Variants in TNXB observed in about 807,000 individuals in gnomAD.
The protein encoded by TNXB is tenascin-X.
In TNXB, 183 loss-of-function variants were observed where a neutral mutation model predicts 340.5. That is an observed-to-expected ratio of 0.54 (90% CI 0.48 to 0.61). The LOEUF is 0.61. Ranked by LOEUF, TNXB falls within the 20% of genes least tolerant of loss-of-function variation. The pLI is 0.00. For missense variants in TNXB, 4,613 were observed against 5,446.4 expected (o/e 0.85, Z 4.82); for synonymous variants, 2,121 against 2,314.5 (o/e 0.92, Z 2.40).
chr6:32,097,986 C>T lies in TNXB; in HGVS notation c.213G>A (p.Val71=), dbSNP rs1327822463. ...GCAGGTTAATGCGGTGGGTGAATAC[C>T]ACCTGCTTCTCCCCTCCTTCCACTG... ...EHTVEGGEKQ[V]VFTHRINLPP... The change falls in exon 2 of 44, where the codon GTG becomes GTA. Residue 71 remains valine (V), a synonymous_variant. Coordinates refer to ENST00000644971, the MANE Select transcript of TNXB (RefSeq NM_001365276.2). The surrounding 1 kb of genome is among the most constrained non-coding windows in gnomAD (Gnocchi z 5.9). The T allele has an allele frequency of 1.2e-6, 2 of 1,607,248 alleles. No individual in the cohort carries two copies. Among genetic ancestry groups the T allele is most frequent in the Non-Finnish European group, 8.5e-7 (1 of 1,178,032 alleles).
In TNXB at chr6:32,074,664, C is replaced by T. The variant is rs893913377; in HGVS notation, c.4376-712G>A. Among the ~76,000 whole-genome samples the T allele has an allele frequency of 6.6e-6, 1 of 152,186 alleles. No homozygotes were observed. The highest frequency in any genetic ancestry group is 1.5e-5 in the Non-Finnish European group (1 of 68,028). Reference sequence around the variant, plus strand: ...CTGACACCTGCTCCCGCCACAGCCTCCCCACCTCAGTAAGATTACAACTTT... The same window carrying T: ...CTGACACCTGCTCCCGCCACAGCCTTCCCACCTCAGTAAGATTACAACTTT... On this transcript the variant is annotated intron_variant, in intron 11 of 43. Coordinates refer to ENST00000644971, the MANE Select transcript of TNXB (RefSeq NM_001365276.2). The surrounding 1 kb of genome is among the most constrained non-coding windows in gnomAD (Gnocchi z 5.5).
intron 4 of TNXB, among the ~76,000 whole-genome samples, chr6:32,093,939 C>G (rs1780195159): frequency 6.6e-6 from 1 of 151,624 alleles, no homozygotes; most frequent in African/African-American, 2.4e-5. Context: ...ACTAAAAATA[C>G]AAACATTAGC....
chr6:32,089,102 T>A lies in TNXB; in HGVS notation c.2516-54A>T, dbSNP rs940139752. 6.3e-7 allele frequency: 1 copy of A among 1,591,198 alleles called. No individual in the cohort carries two copies. Among genetic ancestry groups the A allele is most frequent in the African/African-American group, 1.3e-5 (1 of 74,552 alleles). ...TGGGTGTCTGGTTCTTCAATCATCA[T>A]CTTTCCTTCCAAGAGCCTAGCCCCC... is the stretch of plus-strand genomic sequence containing the variant. On this transcript the variant is annotated intron_variant, in intron 5 of 43. Coordinates refer to ENST00000644971, the MANE Select transcript of TNXB (RefSeq NM_001365276.2). This position sits in a 1 kb window ranked among gnomAD's most constrained non-coding sequence, Gnocchi z 6.2.
At chr6:32,103,445 T>G (rs546489849) in intron 1 of TNXB, among the ~76,000 whole-genome samples, 2 of 133,770 alleles carry the variant, frequency 1.5e-5, no homozygotes, top group African/African-American at 2.7e-5. Flanking sequence ...AAAAAAAAAA[T>G]GAAACCTTAA....
chr6:32,086,134 G>T lies in TNXB; in HGVS notation c.2780-16C>A, dbSNP rs773878446. 6.1e-6 allele frequency: 9 copies of T among 1,478,272 alleles called. No individual in the cohort carries two copies. Among genetic ancestry groups the T allele is most frequent in the Non-Finnish European group, 8.1e-6 (9 of 1,112,456 alleles). The allele number at this position is 1,478,272 out of a possible 1,614,324, so 91.6% of individuals were successfully genotyped here. On this transcript the variant is annotated splice_polypyrimidine_tract_variant and intron_variant, in intron 6 of 43. Coordinates refer to ENST00000644971, the MANE Select transcript of TNXB (RefSeq NM_001365276.2). ...GGTGAGGACCCTGGGAAGGGGCAGGGTGAGAAAAAGAGGAGAGTCCAGTAT... is the reference window on the plus strand; with the variant it reads ...GGTGAGGACCCTGGGAAGGGGCAGGTTGAGAAAAAGAGGAGAGTCCAGTAT...
intron 26 of TNXB, among the ~76,000 whole-genome samples, chr6:32,050,963 C>G (rs769838203): frequency 2.5e-4 from 38 of 152,194 alleles, no homozygotes; most frequent in Non-Finnish European, 5.0e-4. Flanking sequence ...CAGCACAGAC[C>G]TGGGCAATCA....
chr6:32,091,688 G>A (rs1269171877), intron 4 of TNXB, among the ~76,000 whole-genome samples: 1 of 151,768 alleles, frequency 6.6e-6, no homozygotes, highest in Admixed American at 6.6e-5. Context: ...TGGTCAGGCT[G>A]TTCTCAAACT....
At position 32,087,912 on chromosome 6, in the gene TNXB, C is replaced by T. The variant is rs1399095318; in HGVS notation, c.2779+873G>A. The T allele has an allele frequency of 2.9e-5, 3 of 102,192 alleles. No homozygotes were observed. The highest frequency in any genetic ancestry group is 1.5e-4 in the South Asian group (1 of 6,520). 6.3% of individuals were successfully genotyped at this position (102,192 alleles called of 1,614,324 possible). On this transcript the variant is annotated intron_variant, in intron 6 of 43. Coordinates refer to ENST00000644971, the MANE Select transcript of TNXB (RefSeq NM_001365276.2). The surrounding 1 kb of genome is among the most constrained non-coding windows in gnomAD (Gnocchi z 9.0). Reference sequence around the variant, plus strand: ...AGGGCCAAGGGGGCCGTGGGGGCCGCGGGGCTGGGGCTGGCCGGGGCCGGG... The same window carrying T: ...AGGGCCAAGGGGGCCGTGGGGGCCGTGGGGCTGGGGCTGGCCGGGGCCGGG...
rs1441225696 is a variant in TNXB, at chr6:32,062,383, C to G, written c.6942G>C (p.Ala2314=). ...AGGACAGGCTGAGGGAGTCAGGGGT[C>G]GCATCTGTCACGGTCAGCTCCTCCA... The part of the protein sequence containing the change: ...PRLEELTVTD[A]TPDSLSLSWT... The change falls in exon 20 of 44, where the codon GCG becomes GCC. Residue 2314 remains alanine, a synonymous_variant. Transcript: ENST00000644971. The surrounding 1 kb of genome is among the most constrained non-coding windows in gnomAD (Gnocchi z 4.3). 2.3e-5 allele frequency: 37 copies of G among 1,613,234 alleles called. No homozygotes were observed. Among genetic ancestry groups the G allele is most frequent in the Non-Finnish European group, 3.0e-5 (35 of 1,179,856 alleles).
In TNXB at chr6:32,074,085, C is replaced by T. The variant is rs987029710; in HGVS notation, c.4376-133G>A. On this transcript the variant is annotated intron_variant, in intron 11 of 43. Coordinates refer to ENST00000644971, the MANE Select transcript of TNXB (RefSeq NM_001365276.2). The surrounding 1 kb of genome is among the most constrained non-coding windows in gnomAD (Gnocchi z 5.5). ...TGTCACCCAGAGCAGTGGGCGACCTCGGCTCACTGCAGCCTCTGCCTCCCG... is the reference window on the plus strand; with the variant it reads ...TGTCACCCAGAGCAGTGGGCGACCTTGGCTCACTGCAGCCTCTGCCTCCCG... 42 of 822,464 alleles carry T rather than the reference C, an allele frequency of 5.1e-5. No homozygotes were observed. The highest frequency in any genetic ancestry group is 2.8e-4 in the East Asian group (10 of 36,012). The allele number at this position is 822,464 out of a possible 1,614,324, so 50.9% of individuals were successfully genotyped here.
Position 32,072,329 on chromosome 6 carries a change from G to C in TNXB, c.4682-31C>G, listed in dbSNP as rs558768259. ...ATTTGGGAAGACAAAGAACATGGTT[G>C]AGATCTCTGAGGGGAGAACCCCTGG... On this transcript the variant is annotated intron_variant, in intron 12 of 43. Coordinates refer to ENST00000644971, the MANE Select transcript of TNXB (RefSeq NM_001365276.2). The surrounding 1 kb of genome is among the most constrained non-coding windows in gnomAD (Gnocchi z 4.4). The C allele has an allele frequency of 6.4e-7, 1 of 1,561,554 alleles. No individual in the cohort carries two copies. Among genetic ancestry groups the C allele is most frequent in the South Asian group, 1.2e-5 (1 of 83,376 alleles).
At position 32,047,344 on chromosome 6, in the gene TNXB, C is replaced by A. The variant is rs1776958565; in HGVS notation, c.10324+390G>T. On this transcript the variant is annotated intron_variant, in intron 30 of 43. Coordinates refer to ENST00000644971, the MANE Select transcript of TNXB (RefSeq NM_001365276.2). The surrounding 1 kb of genome is among the most constrained non-coding windows in gnomAD (Gnocchi z 6.2). Reference sequence around the variant, plus strand: ...CCAAGCCCTCCCTTTTCTTCCACCCCTCGGCTCCGAGTCAGGGAGGAGGGA... The same window carrying A: ...CCAAGCCCTCCCTTTTCTTCCACCCATCGGCTCCGAGTCAGGGAGGAGGGA... Among the ~76,000 whole-genome samples the A allele has an allele frequency of 6.6e-6, 1 of 152,328 alleles. No homozygotes were observed. The highest frequency in any genetic ancestry group is 2.1e-4 in the South Asian group (1 of 4,828).
Position 32,070,374 on chromosome 6 carries a change from A to C in TNXB, c.5031T>G (p.Leu1677=). Residue 1677 remains leucine (L), a synonymous_variant, in exon 14 of 44, where the codon CTT becomes CTG. Transcript: ENST00000644971. This position sits in a 1 kb window ranked among gnomAD's most constrained non-coding sequence, Gnocchi z 6.0. Reference sequence around the variant, plus strand: ...TGGGGTCTGTCACCCACAGCTCCCCAAGGCGGGGTGGGGCCCCTGGGCTGG... The same window carrying C: ...TGGGGTCTGTCACCCACAGCTCCCCCAGGCGGGGTGGGGCCCCTGGGCTGG... ...GDASPGAPPR[L]GELWVTDPTP... The C allele has an allele frequency of 6.2e-7, 1 of 1,602,092 alleles. No individual in the cohort carries two copies. Among genetic ancestry groups the C allele is most frequent in the East Asian group, 2.2e-5 (1 of 44,676 alleles).
chr6:32,078,497 C>CAAG (rs1779242878), intron 11 of TNXB: 1 of 150,988 alleles, frequency 6.6e-6, no homozygotes, highest in Non-Finnish European at 1.5e-5. Flanking sequence ...AAGCTTGCTT[C>CAAG]AAGCTGTACT....
chr6:32,097,228 T>C lies in TNXB; in HGVS notation c.625A>G (p.Thr209Ala). 2 of 1,602,964 alleles carry C rather than the reference T, an allele frequency of 1.2e-6. No individual in the cohort carries two copies. The highest frequency in any genetic ancestry group is 1.7e-4 in the Middle Eastern group (1 of 6,048). Residue 209 changes from threonine (T) to alanine (A), a missense_variant, in exon 3 of 44, where the codon ACT (threonine) becomes GCT (alanine). Physicochemically the swap from Thr to Ala is moderately conservative, Grantham distance 58. Coordinates refer to ENST00000644971, the MANE Select transcript of TNXB (RefSeq NM_001365276.2). The surrounding 1 kb of genome is among the most constrained non-coding windows in gnomAD (Gnocchi z 5.9). ...RGRCVCFPGY[T>A]GPSCGWPSCP... Reference sequence around the variant, plus strand: ...GATGGCCAGCCACAGCTGGGGCCAGTGTAGCCGGGAAAGCACACGCAACGA... The same window carrying C: ...GATGGCCAGCCACAGCTGGGGCCAGCGTAGCCGGGAAAGCACACGCAACGA...
rs1156892116 is a variant in TNXB, at chr6:32,049,148, G to A, written c.9757+122C>T. 7.4e-7 allele frequency: 1 copy of A among 1,346,930 alleles called. No individual in the cohort carries two copies. The highest frequency in any genetic ancestry group is 2.5e-5 in the East Asian group (1 of 39,634). The allele number at this position is 1,346,930 out of a possible 1,614,324, so 83.4% of individuals were successfully genotyped here. On this transcript the variant is annotated intron_variant, in intron 28 of 43. Transcript: ENST00000644971. This position sits in a 1 kb window ranked among gnomAD's most constrained non-coding sequence, Gnocchi z 4.5. The stretch of plus-strand genomic sequence containing the variant: ...ATCCAAGGATGAGGCAGGATCATTA[G>A]CAACATGGGAGAAAAGACAGAAACC...
Position 32,089,372 on chromosome 6 carries a change from C to G in TNXB, c.2366G>C (p.Gly789Ala). ...YEIQFIPTTE[G>A]ASPPFTARVP... The stretch of plus-strand genomic sequence containing the variant: ...CCGTGCTGTGAATGGGGGGCTCGCC[C>G]CCTCTGTCTGTGAGAGAGAGCACCA... The change falls in exon 5 of 44, where the codon GGG becomes GCG. Residue 789 changes from glycine to alanine, a missense_variant. Transcript: ENST00000644971. This position sits in a 1 kb window ranked among gnomAD's most constrained non-coding sequence, Gnocchi z 6.2. 1.2e-6 allele frequency: 2 copies of G among 1,605,680 alleles called. No individual in the cohort carries two copies. The highest frequency in any genetic ancestry group is 1.7e-6 in the Non-Finnish European group (2 of 1,177,354).
In TNXB at chr6:32,070,137, G is replaced by C. The variant is rs377387902; in HGVS notation, c.5268C>G (p.Asp1756Glu). The C allele has an allele frequency of 6.3e-7, 1 of 1,575,750 alleles. No individual in the cohort carries two copies. The highest frequency in any genetic ancestry group is 1.3e-5 in the African/African-American group (1 of 74,292). Residue 1756 changes from aspartate to glutamate, a missense_variant, in exon 14 of 44, where the codon GAC becomes GAG. Asp to Glu is a conservative substitution (Grantham distance 45, BLOSUM62 2). Coordinates refer to ENST00000644971, the MANE Select transcript of TNXB (RefSeq NM_001365276.2). This position sits in a 1 kb window ranked among gnomAD's most constrained non-coding sequence, Gnocchi z 6.0. ...GKKRHGPLTA[D>E]GTTEARSAMD... Reference sequence around the variant, plus strand: ...GGGAATGCCCCTCACCCGTGGTGCCGTCGGCAGTGAGAGGGCCATGGCGCT... The same window carrying C: ...GGGAATGCCCCTCACCCGTGGTGCCCTCGGCAGTGAGAGGGCCATGGCGCT...
rs572971814 is a variant in TNXB at position 32,083,030 on chromosome 6, C to T, written c.3446-704G>A. 4.3e-4 allele frequency among the ~76,000 whole-genome samples: 65 copies of T among 152,264 alleles called. No homozygotes were observed. The highest frequency in any genetic ancestry group is 1.6e-3 in the African/African-American group (65 of 41,550). On this transcript the variant is annotated intron_variant, in intron 8 of 43. Coordinates refer to ENST00000644971, the MANE Select transcript of TNXB (RefSeq NM_001365276.2). The surrounding 1 kb of genome is among the most constrained non-coding windows in gnomAD (Gnocchi z 4.6). ...ACACTGATTGCAGCCATGTCCTCAC[C>T]TCCACCACCCTCCCGATCCAGCTCC...
Sources: allele counts gnomAD v4.1 joint callset (sites outside exome capture counted in the v4.1 genomes callset), GRCh38; gene constraint gnomAD v4.1.1; non-coding constraint Gnocchi (gnomAD v3.1); transcripts MANE v1.5; gene names NCBI Gene and HGNC (gene_info 2026-07-23, HGNC 2026-07-21).